SCPPPQ1: variants seen among roughly 807,000 people sequenced by gnomAD.
SCPPPQ1 encodes the protein secretory calcium-binding phosphoprotein proline- and glutamine-rich 1.
the SCPPPQ1 span, among the ~76,000 whole-genome samples, chr4:87,466,998 C>T: frequency 2.8e-4 from 42 of 152,266 alleles, no homozygotes; most frequent in Middle Eastern, 0.01. Flanking sequence ...AATTTTCTAC[C>T]CGCAAATTGC....
chr4:87,470,605 G>T, the SCPPPQ1 span, among the ~76,000 whole-genome samples: 1 of 152,004 alleles, frequency 6.6e-6, no homozygotes, highest in Non-Finnish European at 1.5e-5. Flanking sequence ...TTTAAAAATC[G>T]CACTTAATTC....
the SCPPPQ1 span, among the ~76,000 whole-genome samples, chr4:87,464,719 TC>T: frequency 2.6e-5 from 4 of 152,076 alleles, no homozygotes; most frequent in South Asian, 8.3e-4. Context: ...GTCCCTGTAG[TC>T]CCAGCTACTC....
At chr4:87,467,572 C>G in the SCPPPQ1 span, among the ~76,000 whole-genome samples, 3 of 152,162 alleles carry the variant, frequency 2.0e-5, no homozygotes, top group Non-Finnish European at 4.4e-5. Flanking sequence ...AGCACAAACA[C>G]CTTTTTAATA....
At chr4:87,466,043 G>A in the SCPPPQ1 span, among the ~76,000 whole-genome samples, 1 of 152,070 alleles carries the variant, frequency 6.6e-6, no homozygotes, top group African/African-American at 2.4e-5. Flanking sequence ...TGTTAACAGC[G>A]ATTCCTAAGT....
chr4:87,469,460 C>T, the SCPPPQ1 span, among the ~76,000 whole-genome samples: 4 of 152,122 alleles, frequency 2.6e-5, no homozygotes, highest in Non-Finnish European at 5.9e-5. Context: ...GTGGTGAACT[C>T]CTAGTTCTAT....
the SCPPPQ1 span, among the ~76,000 whole-genome samples, chr4:87,468,754 CAA>C: frequency 1.3e-5 from 2 of 152,160 alleles, no homozygotes; most frequent in Non-Finnish European, 2.9e-5. Flanking sequence ...GCTGAAATAT[CAA>C]AAAGTACATA....
At chr4:87,467,041 G>C in the SCPPPQ1 span, among the ~76,000 whole-genome samples, 24,716 of 152,122 alleles carry the variant, frequency 0.16, 2,630 homozygotes, top group African/African-American at 0.31. Flanking sequence ...CCATGCACTT[G>C]CTGTTCCTCT....
the SCPPPQ1 span, among the ~76,000 whole-genome samples, chr4:87,466,866 A>G: frequency 6.6e-6 from 1 of 152,164 alleles, no homozygotes; most frequent in Non-Finnish European, 1.5e-5. Flanking sequence ...GTCTGTAAAT[A>G]AGGGGTATGT....
the SCPPPQ1 span, among the ~76,000 whole-genome samples, chr4:87,461,751 G>C: frequency 6.6e-6 from 1 of 152,140 alleles, no homozygotes; most frequent in Non-Finnish European, 1.5e-5. Flanking sequence ...AGGACTTCTG[G>C]TGGTGGTTAT....
the SCPPPQ1 span, among the ~76,000 whole-genome samples, chr4:87,467,258 G>T: frequency 6.6e-6 from 1 of 152,132 alleles, no homozygotes; most frequent in Non-Finnish European, 1.5e-5. Flanking sequence ...CTATAATGTA[G>T]TCGACTTACA....
At chr4:87,461,736 T>C in the SCPPPQ1 span, among the ~76,000 whole-genome samples, 1 of 152,218 alleles carries the variant, frequency 6.6e-6, no homozygotes. Context: ...TGTTTTCTTA[T>C]GCTTAGGACT....
chr4:87,465,694 C>T, the SCPPPQ1 span, among the ~76,000 whole-genome samples: 1 of 151,164 alleles, frequency 6.6e-6, no homozygotes, highest in Non-Finnish European at 1.5e-5. Context: ...ACAATATTTA[C>T]TGAGCAATTA....
chr4:87,469,319 G>T, the SCPPPQ1 span, among the ~76,000 whole-genome samples: 4 of 152,010 alleles, frequency 2.6e-5, no homozygotes, highest in Non-Finnish European at 4.4e-5. Flanking sequence ...AATCATCTCC[G>T]TGCAACTCTG....
the SCPPPQ1 span, among the ~76,000 whole-genome samples, chr4:87,470,898 T>C: frequency 2.6e-5 from 4 of 152,220 alleles, no homozygotes. Flanking sequence ...AATTTCTTTC[T>C]TCTTATTAGA....
At chr4:87,462,067 C>A in the SCPPPQ1 span, 1 of 152,222 alleles carries the variant, frequency 6.6e-6, no homozygotes, top group Admixed American at 6.5e-5. Flanking sequence ...CACCACAATT[C>A]CTTCTTCACC....
At chr4:87,470,606 C>T in the SCPPPQ1 span, among the ~76,000 whole-genome samples, 34,165 of 152,092 alleles carry the variant, frequency 0.22, 4,101 homozygotes, top group East Asian at 0.3. Flanking sequence ...TTAAAAATCG[C>T]ACTTAATTCA....
chr4:87,462,394 C>T, the SCPPPQ1 span: 1 of 152,164 alleles, frequency 6.6e-6, no homozygotes, highest in East Asian at 1.9e-4. Context: ...TGTAGTCCAG[C>T]CAGGACAACA....
chr4:87,465,574 AAAAAAAAAAAAAAAG>A, the SCPPPQ1 span, among the ~76,000 whole-genome samples: 1 of 75,310 alleles, frequency 1.3e-5, no homozygotes, highest in East Asian at 5.4e-4. Flanking sequence ...AAAAAAAAAA[AAAAAAAAAAAAAAAG>A]TAAATTGTGA....
chr4:87,468,208 A>G, the SCPPPQ1 span, among the ~76,000 whole-genome samples: 1 of 152,252 alleles, frequency 6.6e-6, no homozygotes, highest in Admixed American at 6.5e-5. Flanking sequence ...TTGTGCAATG[A>G]TTTGGAAGAC....
Sources: gnomAD v4.1 joint callset for allele counts (sites outside exome capture counted in the v4.1 genomes callset) on GRCh38, gnomAD v4.1.1 for gene constraint, MANE v1.5 for transcripts, NCBI Gene and HGNC (gene_info 2026-07-23, HGNC 2026-07-21) for gene names.